EPHA7: variants seen among roughly 807,000 people sequenced by gnomAD.
EPHA7 encodes ephrin type-A receptor 7.
Under a neutral mutation model 112.6 loss-of-function variants are expected in EPHA7, and 25 were observed. That is an observed-to-expected ratio of 0.22 (90% CI 0.16 to 0.31). The LOEUF (loss-of-function observed/expected upper bound fraction) is 0.31. Ranked by LOEUF, EPHA7 falls within the 10% of genes least tolerant of loss-of-function variation. The pLI is 1.00. For synonymous variants in EPHA7, 437 were observed against 406.5 expected, an observed-to-expected ratio of 1.07 and a Z score of -0.90; for missense variants, 962 against 1,212.6, an observed-to-expected ratio of 0.79 and a Z score of 3.07.
At chr6:93,342,082 T>C (rs913030101) in intron 5 of EPHA7, among the ~76,000 whole-genome samples, 2 of 151,776 alleles carry the variant, frequency 1.3e-5, no homozygotes, top group Non-Finnish European at 2.9e-5. Context: ...ATTACCTAGA[T>C]AGGGCTTGAT....
intron 3 of EPHA7, among the ~76,000 whole-genome samples, chr6:93,360,052 A>G (rs1403241399): frequency 6.6e-6 from 1 of 152,198 alleles, no homozygotes; most frequent in Non-Finnish European, 1.5e-5. Flanking sequence ...GAAAGCAGTT[A>G]CAAAAACATT....
intron 5 of EPHA7, among the ~76,000 whole-genome samples, chr6:93,318,660 T>C (rs1345817669): frequency 1.3e-5 from 2 of 152,092 alleles, no homozygotes; most frequent in African/African-American, 4.8e-5. Flanking sequence ...TTGTTGTCTA[T>C]GGCATGACCA....
At chr6:93,281,761 T>C (rs1771751106) in intron 5 of EPHA7, among the ~76,000 whole-genome samples, 1 of 152,174 alleles carries the variant, frequency 6.6e-6, no homozygotes. Flanking sequence ...TTTGACATGA[T>C]AACATAGTCT....
chr6:93,315,109 G>A (rs1469046149), intron 5 of EPHA7, among the ~76,000 whole-genome samples: 1 of 150,046 alleles, frequency 6.7e-6, no homozygotes, highest in African/African-American at 2.5e-5. Flanking sequence ...TGATCCGCCC[G>A]CCTCGGCCTC....
At chr6:93,301,867 C>A (rs562064323) in intron 5 of EPHA7, among the ~76,000 whole-genome samples, 5 of 152,284 alleles carry the variant, frequency 3.3e-5, no homozygotes, top group Admixed American at 3.3e-4. Flanking sequence ...ATCATCTCCA[C>A]ACAAATCTGC....
At chr6:93,370,871 C>G (rs1355433688) in intron 3 of EPHA7, among the ~76,000 whole-genome samples, 58 of 151,522 alleles carry the variant, frequency 3.8e-4, no homozygotes, top group Admixed American at 3.8e-3. Flanking sequence ...GTCGGCAAGG[C>G]GCGGTGGCTC....
At chr6:93,394,237 G>C (rs901044731) in intron 3 of EPHA7, among the ~76,000 whole-genome samples, 1 of 151,736 alleles carries the variant, frequency 6.6e-6, no homozygotes, top group African/African-American at 2.4e-5. Context: ...TTTAGTAGCT[G>C]TATGTGCAGA....
intron 5 of EPHA7, among the ~76,000 whole-genome samples, chr6:93,283,779 C>G (rs1022116731): frequency 6.6e-6 from 1 of 152,122 alleles, no homozygotes; most frequent in Admixed American, 6.5e-5. Context: ...TTCTTGAAGT[C>G]AGTGAGACCA....
chr6:93,346,587 GA>G, intron 5 of EPHA7, among the ~76,000 whole-genome samples: 1 of 151,838 alleles, frequency 6.6e-6, no homozygotes, highest in South Asian at 2.1e-4. Flanking sequence ...TATTTTTTAT[GA>G]TTTATAATTG....
intron 5 of EPHA7, among the ~76,000 whole-genome samples, chr6:93,351,448 C>T (rs1049660329): frequency 1.7e-4 from 26 of 152,058 alleles, no homozygotes; most frequent in Non-Finnish European, 3.1e-4. Flanking sequence ...CTATCCCTAA[C>T]CTCTTTCAAG....
chr6:93,279,087 G>A (rs1771607562), intron 5 of EPHA7, among the ~76,000 whole-genome samples: 1 of 151,922 alleles, frequency 6.6e-6, no homozygotes. Context: ...GTGTATATGC[G>A]ACAAAATTCA....
intron 5 of EPHA7, among the ~76,000 whole-genome samples, chr6:93,309,786 T>A (rs1371380503): frequency 6.6e-6 from 1 of 152,210 alleles, no homozygotes; most frequent in Non-Finnish European, 1.5e-5. Flanking sequence ...AGTAAAAGCA[T>A]TAACATAACT....
chr6:93,298,995 C>A (rs1772821287), intron 5 of EPHA7, among the ~76,000 whole-genome samples: 1 of 152,012 alleles, frequency 6.6e-6, no homozygotes, highest in African/African-American at 2.4e-5. Context: ...AATGAACAGA[C>A]GTTTTTCAAA....
At chr6:93,255,231 C>T (rs999682121) in intron 13 of EPHA7, among the ~76,000 whole-genome samples, 3 of 151,830 alleles carry the variant, frequency 2.0e-5, no homozygotes, top group South Asian at 2.1e-4. Flanking sequence ...GCCTGTTATC[C>T]TAGCTACTCG....
At chr6:93,384,774 T>C (rs1234631197) in intron 3 of EPHA7, among the ~76,000 whole-genome samples, 1 of 152,188 alleles carries the variant, frequency 6.6e-6, no homozygotes, top group East Asian at 1.9e-4. Flanking sequence ...TGTAACTTGT[T>C]ATTGAACGAT....
At chr6:93,248,765 C>A (rs1179027015) in intron 14 of EPHA7, among the ~76,000 whole-genome samples, 1 of 152,184 alleles carries the variant, frequency 6.6e-6, no homozygotes, top group Admixed American at 6.5e-5. Flanking sequence ...GTGGCACGAT[C>A]ACAGCTCACT....
At chr6:93,244,624 T>G (rs1769863162) in intron 16 of EPHA7, among the ~76,000 whole-genome samples, 1 of 152,088 alleles carries the variant, frequency 6.6e-6, no homozygotes, top group Non-Finnish European at 1.5e-5. Context: ...TGAGTTCTTT[T>G]AACTTCAAGT....
intron 2 of EPHA7, among the ~76,000 whole-genome samples, chr6:93,414,199 T>C (rs982568892): frequency 2.0e-5 from 3 of 151,946 alleles, no homozygotes; most frequent in African/African-American, 7.2e-5. Context: ...GGAGAATCTA[T>C]ATAATATTTT....
intron 6 of EPHA7, among the ~76,000 whole-genome samples, chr6:93,270,844 A>G (rs924079911): frequency 1.6e-4 from 24 of 151,830 alleles, no homozygotes; most frequent in Admixed American, 2.6e-4. Flanking sequence ...GCATGCGTGC[A>G]TATACATTAC....
Sources: gnomAD v4.1 joint callset for allele counts (sites outside exome capture counted in the v4.1 genomes callset) on GRCh38, gnomAD v4.1.1 for gene constraint, MANE v1.5 for transcripts, NCBI Gene and HGNC (gene_info 2026-07-23, HGNC 2026-07-21) for gene names.